The following FXYD6 variants were observed in gnomAD, a reference collection of about 807,000 sequenced individuals.
FXYD6 encodes FXYD domain-containing ion transport regulator 6.
FXYD6 carries 7 observed loss-of-function variants against 16.7 expected under a neutral mutation model. The observed-to-expected ratio is 0.42, with a 90% CI of 0.24 to 0.79. The LOEUF is 0.79. Among genes scored for constraint, FXYD6 ranks in the 30% least tolerant of loss-of-function variants. The pLI, the probability that FXYD6 is intolerant of heterozygous loss-of-function variation, is 0.28. For synonymous variants in FXYD6, 49 were observed against 43.0 expected, an observed-to-expected ratio of 1.14 and a Z score of -0.54; for missense variants, 111 against 116.2, an observed-to-expected ratio of 0.95 and a Z score of 0.21.
At chr11:117,840,500 A>C in intron 5 of FXYD6, 132 bp from the exon 6 acceptor site, 3 of 1,241,778 alleles carry the variant, frequency 2.4e-6, no homozygotes, top group Non-Finnish European at 3.4e-6. Flanking sequence ...GCTGGAGCTC[A>C]CTCTGCTGTG....
chr11:117,868,587 T>G (rs1184603610), intron 1 of FXYD6, among the ~76,000 whole-genome samples: 1 of 151,948 alleles, frequency 6.6e-6, no homozygotes, highest in Non-Finnish European at 1.5e-5. Flanking sequence ...GTATCCTGGA[T>G]GGGATCCTAG....
chr11:117,839,764 G>C lies in FXYD6; in HGVS notation c.*21+17C>G, dbSNP rs1186890716. The C allele has an allele frequency of 6.2e-7, 1 of 1,614,150 alleles. No individual in the cohort carries two copies. The highest frequency in any genetic ancestry group is 2.2e-5 in the East Asian group (1 of 44,882). ...GGTGATGGCAACAGGGGCCAATCCA[G>C]GCACTGAGCATCTCACCTTCCACCT... On this transcript the variant is annotated intron_variant, in intron 7 of 7. Coordinates refer to ENST00000526014, the MANE Select transcript of FXYD6 (RefSeq NM_022003.4).
chr11:117,853,746 G>A (rs1232736161), intron 1 of FXYD6, among the ~76,000 whole-genome samples: 4 of 152,168 alleles, frequency 2.6e-5, no homozygotes, highest in Admixed American at 2.0e-4. Context: ...TTCTGGCTCG[G>A]CCTCCTTAAG....
chr11:117,845,348 A>T (rs778698684), intron 1 of FXYD6, among the ~76,000 whole-genome samples: 3 of 152,250 alleles, frequency 2.0e-5, no homozygotes, highest in Non-Finnish European at 4.4e-5. Context: ...TGGCTGAATA[A>T]TATTCCACTG....
Position 117,837,467 on chromosome 11 carries a change from C to A in FXYD6, c.*832G>T. On this transcript the variant is annotated 3_prime_UTR_variant, in exon 8 of 8. Transcript: ENST00000526014. This position sits in a 1 kb window ranked among gnomAD's most constrained non-coding sequence, Gnocchi z 4.4. ...GGTTGGAAGGGGTAGGGTCCCAGAG[C>A]CCATGGAGTTATTGCTGAGAAGATA... is the stretch of plus-strand genomic sequence containing the variant. 1 of 152,716 alleles carries A rather than the reference C, an allele frequency of 6.5e-6. No homozygotes were observed. Among genetic ancestry groups the A allele is most frequent in the Non-Finnish European group, 1.5e-5 (1 of 68,164 alleles). 9.5% of individuals were successfully genotyped at this position (152,716 alleles called of 1,614,324 possible).
chr11:117,841,290 G>A, intron 4 of FXYD6, 106 bp from the exon 5 acceptor site: 1 of 1,490,902 alleles, frequency 6.7e-7, no homozygotes, highest in East Asian at 2.3e-5. Context: ...CCCTAGACCT[G>A]GGCAGTGCAC....
intron 1 of FXYD6, among the ~76,000 whole-genome samples, chr11:117,862,355 C>T (rs2056925556): frequency 6.6e-6 from 1 of 152,214 alleles, no homozygotes; most frequent in Admixed American, 6.5e-5. Context: ...GCCCTAGGTG[C>T]CTCCACCATG....
intron 1 of FXYD6, among the ~76,000 whole-genome samples, chr11:117,860,872 T>C (rs1054357915): frequency 6.6e-6 from 1 of 152,224 alleles, no homozygotes; most frequent in South Asian, 2.1e-4. Context: ...ATTATTACGA[T>C]CATTCCCTTT....
In FXYD6 at chr11:117,838,197, G is replaced by A. The variant is rs2056243681; in HGVS notation, c.*102C>T. 1.4e-6 allele frequency: 1 copy of A among 702,458 alleles called. No individual in the cohort carries two copies. Among genetic ancestry groups the A allele is most frequent in the Non-Finnish European group, 2.6e-6 (1 of 385,014 alleles). The allele number at this position is 702,458 out of a possible 1,614,324, so 43.5% of individuals were successfully genotyped here. The stretch of plus-strand genomic sequence containing the variant: ...AGTTCTTGGCTTCTCCTGGGGAAAG[G>A]GCTGTTGCTGAAGTGGCCGGTTTTC... On this transcript the variant is annotated 3_prime_UTR_variant, in exon 8 of 8. Transcript: ENST00000526014.
chr11:117,846,183 C>T (rs2056461805), intron 1 of FXYD6, among the ~76,000 whole-genome samples: 1 of 152,158 alleles, frequency 6.6e-6, no homozygotes, highest in African/African-American at 2.4e-5. Flanking sequence ...TGTAATAGAG[C>T]TGGACTTTTT....
chr11:117,852,524 G>A (rs183718163), intron 1 of FXYD6, among the ~76,000 whole-genome samples: 1 of 152,256 alleles, frequency 6.6e-6, no homozygotes, highest in Admixed American at 6.5e-5. Context: ...TTCCTTTATA[G>A]ATGTCCTATC....
At chr11:117,850,674 T>C (rs1213984051) in intron 1 of FXYD6, among the ~76,000 whole-genome samples, 1 of 152,154 alleles carries the variant, frequency 6.6e-6, no homozygotes, top group Admixed American at 6.5e-5. Context: ...TTTTTATTTT[T>C]TTGGGGGGCG....
intron 1 of FXYD6, among the ~76,000 whole-genome samples, chr11:117,863,586 T>C (rs1322360164): frequency 1.3e-5 from 2 of 151,986 alleles, no homozygotes; most frequent in Non-Finnish European, 2.9e-5. Flanking sequence ...CATTTCTGTT[T>C]AACACAGTAT....
intron 4 of FXYD6, chr11:117,841,509 G>A (rs544256652): frequency 1.2e-5 from 7 of 587,728 alleles, no homozygotes; most frequent in Admixed American, 3.0e-5. Context: ...TCCTTCCTCC[G>A]TGACTGCCCC....
intron 1 of FXYD6, among the ~76,000 whole-genome samples, chr11:117,868,616 G>C (rs1037340256): frequency 6.6e-6 from 1 of 151,938 alleles, no homozygotes. Flanking sequence ...AAGGACATAA[G>C]GTACAAACGA....
In FXYD6 at chr11:117,872,747, C is replaced by T. The variant is rs73586997; in HGVS notation, c.-6+3845G>A. On this transcript the variant is annotated intron_variant, in intron 1 of 7. Transcript: ENST00000526014. This position sits in a 1 kb window ranked among gnomAD's most constrained non-coding sequence, Gnocchi z 4.9. ...CATCTTTGTAACAAACATGTTCCTG[C>T]GCAGCCTACAAGCTGGCTTCATCCC... 3.6e-4 allele frequency among the ~76,000 whole-genome samples: 55 copies of T among 152,318 alleles called. No individual in the cohort carries two copies. The highest frequency in any genetic ancestry group is 1.1e-3 in the African/African-American group (47 of 41,564).
At chr11:117,849,788 C>A (rs909057295) in intron 1 of FXYD6, among the ~76,000 whole-genome samples, 1 of 152,126 alleles carries the variant, frequency 6.6e-6, no homozygotes, top group Non-Finnish European at 1.5e-5. Context: ...CCACTGCATG[C>A]TGAAACTTAA....
chr11:117,873,918 G>A (rs975292114), intron 1 of FXYD6, among the ~76,000 whole-genome samples: 1 of 152,146 alleles, frequency 6.6e-6, no homozygotes, highest in Non-Finnish European at 1.5e-5. Flanking sequence ...TTGGAAGGGC[G>A]TCCCAGTCAC....
At chr11:117,863,810 A>G (rs4938443) in intron 1 of FXYD6, among the ~76,000 whole-genome samples, 63,119 of 151,588 alleles carry the variant, frequency 0.42, 13,651 homozygotes, top group East Asian at 0.72. Flanking sequence ...GCATTTCTAT[A>G]CATTAACAAT....
Sources: gnomAD v4.1 joint callset for allele counts (sites outside exome capture counted in the v4.1 genomes callset) on GRCh38, gnomAD v4.1.1 for gene constraint, Gnocchi (gnomAD v3.1) non-coding constraint, MANE v1.5 for transcripts, NCBI Gene and HGNC (gene_info 2026-07-23, HGNC 2026-07-21) for gene names.